TMEM132E: variants seen among roughly 807,000 people sequenced by gnomAD.
TMEM132E encodes transmembrane protein 132E.
In TMEM132E, 49 loss-of-function variants were observed where a neutral mutation model predicts 78.5. The ratio of observed to expected loss-of-function variants is 0.62; its 90% CI spans 0.50 to 0.79. The LOEUF is 0.79. Among genes scored for constraint, TMEM132E ranks in the 30% least tolerant of loss-of-function variants. The pLI is 0.00. For synonymous variants in TMEM132E, 715 were observed against 670.6 expected, an observed-to-expected ratio of 1.07 and a Z score of -1.02; for missense variants, 1,403 against 1,470.9, an observed-to-expected ratio of 0.95 and a Z score of 0.75.
chr17:34,628,476 C>G lies in TMEM132E; in HGVS notation c.999-87C>G, dbSNP rs1182168597. ...CTTAGCTTATCTGTTCCCCCTCCCC[C>G]CAGTACAGTCTAGTGATGGTGGCCA... On this transcript the variant is annotated intron_variant, in intron 2 of 8. Coordinates refer to ENST00000631683, the MANE Select transcript of TMEM132E (RefSeq NM_001304438.2). 1.6e-5 allele frequency: 25 copies of G among 1,516,478 alleles called. No homozygotes were observed. In the East Asian group the frequency reaches 1.9e-4, roughly 12 times the overall value. 93.9% of individuals were successfully genotyped at this position (1,516,478 alleles called of 1,614,324 possible). A position where few individuals can be genotyped will look rare whatever the true frequency, so the allele number is the denominator to read the frequency against.
chr17:34,629,193 C>T lies in TMEM132E; in HGVS notation c.1327C>T (p.Pro443Ser), dbSNP rs1907263513. The T allele has an allele frequency of 6.2e-7, 1 of 1,613,920 alleles. No individual in the cohort carries two copies. The highest frequency in any genetic ancestry group is 1.1e-5 in the South Asian group (1 of 91,054). Reference sequence around the variant, plus strand: ...TCAGCGGGATGTGCAAGCCATCCTGCCCCTGGCCATGGTGAGCAGGCAGGT... The same window carrying T: ...TCAGCGGGATGTGCAAGCCATCCTGTCCCTGGCCATGGTGAGCAGGCAGGT... ...VIQRDVQAIL[P>S]LAMDTEIINT... is the part of the protein sequence containing the mutation. The change falls in exon 4 of 9, where the codon CCC (proline) becomes TCC (serine). Residue 443 changes from proline (P) to serine (S), a missense_variant. This residue lies in a region of TMEM132E where 888 missense variants were observed against 952.8 expected (regional missense o/e 0.93). Transcript: ENST00000631683.
At position 34,637,486 on chromosome 17, in the gene TMEM132E, C is replaced by G. The variant is rs1240105349; in HGVS notation, c.2479C>G (p.Pro827Ala). 1.2e-6 allele frequency: 2 copies of G among 1,610,394 alleles called. No homozygotes were observed. The highest frequency in any genetic ancestry group is 8.5e-7 in the Non-Finnish European group (1 of 1,178,792). ...EEDPTYDYPG[P>A]SQPGPGGGED... is the part of the protein sequence containing the mutation. ...GGACCCCACTTATGACTACCCGGGC[C>G]CCAGCCAACCAGGGCCCGGCGGGGG... The change falls in exon 9 of 9, where the codon CCC becomes GCC. Residue 827 changes from proline to alanine, a missense_variant. Pro to Ala is a conservative substitution (Grantham distance 27). This residue lies in a region of TMEM132E where 888 missense variants were observed against 952.8 expected (regional missense o/e 0.93). Coordinates refer to ENST00000631683, the MANE Select transcript of TMEM132E (RefSeq NM_001304438.2).
At chr17:34,593,809 G>A (rs1905963972) in intron 1 of TMEM132E, among the ~76,000 whole-genome samples, 1 of 152,232 alleles carries the variant, frequency 6.6e-6, no homozygotes, top group African/African-American at 2.4e-5. Context: ...CTGAGAGTGA[G>A]AGCCAAAGTC....
rs1467853961 is a variant in TMEM132E, at chr17:34,626,488, G to A, written c.429G>A (p.Gln143=). Residue 143 remains glutamine, a synonymous_variant, in exon 2 of 9, where the codon CAG becomes CAA. Transcript: ENST00000631683. ...SHVPASQPVV[Q]VLFYVAGRDW... is the part of the protein sequence containing the mutation. ...TGCCCGCCTCGCAGCCCGTGGTCCA[G>A]GTGCTGTTCTACGTAGCCGGCCGGG... 3 of 1,612,162 alleles carry A rather than the reference G, an allele frequency of 1.9e-6. No homozygotes were observed. Among genetic ancestry groups the A allele is most frequent in the Non-Finnish European group, 8.5e-7 (1 of 1,179,788 alleles).
intron 1 of TMEM132E, among the ~76,000 whole-genome samples, chr17:34,609,447 C>G (rs1906519043): frequency 2.6e-5 from 4 of 152,180 alleles, no homozygotes. Context: ...CAGGGGAGCT[C>G]TTTCCTCCCC....
At chr17:34,616,910 C>G (rs963232266) in intron 1 of TMEM132E, among the ~76,000 whole-genome samples, 3 of 152,202 alleles carry the variant, frequency 2.0e-5, no homozygotes, top group Admixed American at 1.3e-4. Flanking sequence ...CAAAAGCAGC[C>G]CCTCACTAGG....
intron 1 of TMEM132E, among the ~76,000 whole-genome samples, chr17:34,582,321 A>G (rs1905519976): frequency 6.6e-6 from 1 of 152,142 alleles, no homozygotes. Flanking sequence ...AGCCTGCTCA[A>G]GCTCGCCAGG....
chr17:34,629,102 C>T lies in TMEM132E; in HGVS notation c.1236C>T (p.His412=). ...CAGTCAAGCGGAGGATCATGTGGCA[C>T]ATTGACTACCGTGGCCACGGCGCCC... ...SQSVKRRIMW[H]IDYRGHGALP... The change falls in exon 4 of 9, where the codon CAC becomes CAT. Residue 412 remains histidine (H), a synonymous_variant. Coordinates refer to ENST00000631683, the MANE Select transcript of TMEM132E (RefSeq NM_001304438.2). 6.2e-7 allele frequency: 1 copy of T among 1,612,690 alleles called. No individual in the cohort carries two copies. Among genetic ancestry groups the T allele is most frequent in the African/African-American group, 1.3e-5 (1 of 75,010 alleles).
chr17:34,583,835 A>G (rs955098631), intron 1 of TMEM132E, among the ~76,000 whole-genome samples: 6 of 152,152 alleles, frequency 3.9e-5, no homozygotes, highest in Non-Finnish European at 8.8e-5. Flanking sequence ...CTGGACAGAG[A>G]CCATGTGTGA....
At chr17:34,624,013 G>A (rs961812738) in intron 1 of TMEM132E, among the ~76,000 whole-genome samples, 2 of 152,174 alleles carry the variant, frequency 1.3e-5, no homozygotes, top group Non-Finnish European at 2.9e-5. Context: ...GGCTGCTCAC[G>A]TCCTTCCGAG....
chr17:34,626,021 GT>G, intron 1 of TMEM132E, 105 bp from the exon 2 acceptor site: 1 of 1,081,804 alleles, frequency 9.2e-7, no homozygotes, highest in Non-Finnish European at 1.3e-6. Context: ...AGCTAGAGGA[GT>G]TGGCAGCCCT....
intron 2 of TMEM132E, 68 bp from the exon 3 acceptor site, chr17:34,628,495 G>A (rs905841612): frequency 1.9e-6 from 3 of 1,590,782 alleles, no homozygotes; most frequent in East Asian, 2.3e-5. Flanking sequence ...TCTAGTGATG[G>A]TGGCCAGGCA....
At chr17:34,581,184 G>T (rs1358206862) in intron 1 of TMEM132E, 41 bp downstream of exon 1, 1 of 1,483,828 alleles carries the variant, frequency 6.7e-7, no homozygotes, top group Middle Eastern at 1.7e-4. Flanking sequence ...GATGCGGCAG[G>T]CGCCACTGGA....
intron 1 of TMEM132E, among the ~76,000 whole-genome samples, chr17:34,582,604 G>C (rs926140996): frequency 1.3e-5 from 2 of 152,074 alleles, no homozygotes; most frequent in African/African-American, 4.8e-5. Flanking sequence ...CAGCAGGGGG[G>C]CGAGGGTGAG....
chr17:34,604,206 A>G (rs1040615020), intron 1 of TMEM132E, among the ~76,000 whole-genome samples: 3 of 152,194 alleles, frequency 2.0e-5, no homozygotes, highest in Non-Finnish European at 4.4e-5. Context: ...GCTGGGACCA[A>G]GTGCAGGCAG....
chr17:34,587,090 G>C (rs182498102), intron 1 of TMEM132E, among the ~76,000 whole-genome samples: 2 of 152,068 alleles, frequency 1.3e-5, no homozygotes, highest in Admixed American at 1.3e-4. Flanking sequence ...TATCTTTCAC[G>C]ACCACTGGAG....
intron 1 of TMEM132E, among the ~76,000 whole-genome samples, chr17:34,611,312 A>G (rs1906585594): frequency 1.3e-5 from 2 of 152,190 alleles, no homozygotes; most frequent in South Asian, 4.1e-4. Context: ...GGGAAGTAGG[A>G]AGGTAAGCAG....
At chr17:34,599,351 G>A (rs73988731) in intron 1 of TMEM132E, among the ~76,000 whole-genome samples, 2,071 of 152,312 alleles carry the variant, frequency 0.014, 57 homozygotes, top group African/African-American at 0.047. Flanking sequence ...AGCCATAAGC[G>A]CAGTTGCACC....
intron 1 of TMEM132E, among the ~76,000 whole-genome samples, chr17:34,619,754 T>C (rs894833723): frequency 6.6e-6 from 1 of 152,258 alleles, no homozygotes; most frequent in African/African-American, 2.4e-5. Flanking sequence ...TGTATAAGCC[T>C]GGGCCCTTCC....
Sources: gnomAD v4.1 joint callset for allele counts (sites outside exome capture counted in the v4.1 genomes callset) on GRCh38, gnomAD v4.1.1 for gene constraint, gnomAD v4.1.1 regional missense constraint, MANE v1.5 for transcripts, NCBI Gene and HGNC (gene_info 2026-07-23, HGNC 2026-07-21) for gene names.